The following ITSN2 variants were observed in gnomAD, a reference collection of about 807,000 sequenced individuals.
The protein encoded by ITSN2 is intersectin 2, also known as intersectin-2.
ITSN2 carries 156 observed loss-of-function variants against 243.7 expected under a neutral mutation model. The ratio of observed to expected loss-of-function variants is 0.64; its 90% CI spans 0.56 to 0.73. The LOEUF is 0.73. Among genes scored for constraint, ITSN2 ranks in the 30% least tolerant of loss-of-function variants. The probability of loss-of-function intolerance (pLI) is 0.00; values close to 1 mark genes in which losing one functional copy is unlikely to be tolerated. For synonymous variants in ITSN2, 703 were observed against 699.9 expected, an observed-to-expected ratio of 1.00 and a Z score of -0.07; for missense variants, 1,801 against 1,996.1, an observed-to-expected ratio of 0.90 and a Z score of 1.86.
chr2:24,308,252 G>A (rs1174647535), intron 8 of ITSN2, among the ~76,000 whole-genome samples: 1 of 152,192 alleles, frequency 6.6e-6, no homozygotes, highest in Admixed American at 6.5e-5. Context: ...ATGCAGAGGA[G>A]GATTCTCAGG....
intron 2 of ITSN2, among the ~76,000 whole-genome samples, chr2:24,326,323 T>C (rs1002565549): frequency 1.3e-5 from 2 of 152,200 alleles, no homozygotes; most frequent in African/African-American, 4.8e-5. Flanking sequence ...ATTTTATATA[T>C]AATGCAATGA....
At chr2:24,351,243 A>T (rs1371791095) in intron 1 of ITSN2, among the ~76,000 whole-genome samples, 1 of 152,164 alleles carries the variant, frequency 6.6e-6, no homozygotes, top group Non-Finnish European at 1.5e-5. Context: ...TCATTAAACT[A>T]CATACCAGCT....
chr2:24,282,396 C>T (rs1211581283), intron 17 of ITSN2, among the ~76,000 whole-genome samples: 1 of 152,226 alleles, frequency 6.6e-6, no homozygotes, highest in South Asian at 2.1e-4. Flanking sequence ...GCTCCCCCAT[C>T]TGCTGAGAGC....
At chr2:24,227,219 T>C (rs1671119664) in intron 29 of ITSN2, among the ~76,000 whole-genome samples, 1 of 148,766 alleles carries the variant, frequency 6.7e-6, no homozygotes, top group Non-Finnish European at 1.5e-5. Flanking sequence ...GCCTGGAGGG[T>C]CACACTCACA....
intron 27 of ITSN2, among the ~76,000 whole-genome samples, chr2:24,247,533 G>A (rs1463245201): frequency 6.6e-6 from 1 of 152,068 alleles, no homozygotes; most frequent in Non-Finnish European, 1.5e-5. Flanking sequence ...ATTTGGAATT[G>A]GTTTCAAATA....
intron 3 of ITSN2, among the ~76,000 whole-genome samples, chr2:24,314,619 G>A (rs1301466314): frequency 6.6e-6 from 1 of 152,072 alleles, no homozygotes; most frequent in African/African-American, 2.4e-5. Context: ...TGTATGTAAA[G>A]CACTAAGCTA....
At chr2:24,329,944 T>G (rs1685587322) in intron 1 of ITSN2, among the ~76,000 whole-genome samples, 1 of 152,216 alleles carries the variant, frequency 6.6e-6, no homozygotes, top group Admixed American at 6.5e-5. Flanking sequence ...ACTTCTTCAA[T>G]TTTAAATCAT....
intron 2 of ITSN2, among the ~76,000 whole-genome samples, chr2:24,316,661 C>T (rs1005620215): frequency 6.6e-6 from 1 of 152,166 alleles, no homozygotes; most frequent in Non-Finnish European, 1.5e-5. Context: ...TCCTATATAC[C>T]TTTCACCCAA....
chr2:24,340,396 G>T (rs542402929), intron 1 of ITSN2, among the ~76,000 whole-genome samples: 1 of 151,570 alleles, frequency 6.6e-6, no homozygotes, highest in Non-Finnish European at 1.5e-5. Flanking sequence ...CAGGAGAATC[G>T]CTTGAACCCG....
chr2:24,286,713 G>A (rs1430245882), intron 15 of ITSN2, among the ~76,000 whole-genome samples: 1 of 152,114 alleles, frequency 6.6e-6, no homozygotes, highest in East Asian at 1.9e-4. Flanking sequence ...GTACACTCTG[G>A]TCCACAGTTA....
chr2:24,361,268 G>A (rs78979473), upstream of ITSN2, among the ~76,000 whole-genome samples: 1 of 152,128 alleles, frequency 6.6e-6, no homozygotes, highest in South Asian at 2.1e-4. Flanking sequence ...CTCCTACTCA[G>A]AATTTGTCTC....
intron 2 of ITSN2, among the ~76,000 whole-genome samples, chr2:24,327,446 C>A (rs1351837390): frequency 1.3e-5 from 2 of 151,812 alleles, no homozygotes; most frequent in East Asian, 3.9e-4. Flanking sequence ...TTACAGGTGC[C>A]CATGACCACA....
At chr2:24,351,132 A>G in intron 1 of ITSN2, among the ~76,000 whole-genome samples, 1 of 152,062 alleles carries the variant, frequency 6.6e-6, no homozygotes, top group South Asian at 2.1e-4. Context: ...TCTTATTCCC[A>G]TGCCTCCTCT....
chr2:24,252,995 T>C (rs1217800655), intron 24 of ITSN2, among the ~76,000 whole-genome samples: 1 of 152,234 alleles, frequency 6.6e-6, no homozygotes, highest in Non-Finnish European at 1.5e-5. Flanking sequence ...ACAGCAGCAC[T>C]AGAAGCCAAG....
At chr2:24,310,404 G>A (rs1239565880) in intron 6 of ITSN2, 24 bp from the exon 7 acceptor site, 1 of 1,608,652 alleles carries the variant, frequency 6.2e-7, no homozygotes, top group Admixed American at 1.7e-5. Context: ...AGAAGGAAAA[G>A]TATGAAAGAA....
In ITSN2 at chr2:24,308,647, G is replaced by T; in HGVS notation, c.763C>A (p.Leu255Ile). ...AGATATCCACTCATACTTTTGTCAA[G>T]AGTATTAAATTTTTGCCGATATTTT... The part of the protein sequence containing the change: ...RLKYRQKFNT[L>I]DKSMSGYLSG... Residue 255 changes from leucine to isoleucine, a missense_variant, in exon 8 of 40, where the codon CTT becomes ATT. Leu to Ile is a conservative substitution (Grantham distance 5). Coordinates refer to ENST00000355123, the MANE Select transcript of ITSN2 (RefSeq NM_006277.3). 1 of 1,526,630 alleles carries T rather than the reference G, an allele frequency of 6.6e-7. No homozygotes were observed. Among genetic ancestry groups the T allele is most frequent in the South Asian group, 1.4e-5 (1 of 73,728 alleles). The allele number at this position is 1,526,630 out of a possible 1,614,324, so 94.6% of individuals were successfully genotyped here. A position where few individuals can be genotyped will look rare whatever the true frequency, so the allele number is the denominator to read the frequency against.
chr2:24,236,672 TC>T (rs1269191003), intron 29 of ITSN2, among the ~76,000 whole-genome samples: 4 of 14,268 alleles, frequency 2.8e-4, no homozygotes, highest in Non-Finnish European at 6.0e-4. Flanking sequence ...TGTTTTTTTT[TC>T]TTTTTTTTTT....
In ITSN2 at chr2:24,254,384, G is replaced by A; in HGVS notation, c.2936C>T (p.Ala979Val). The A allele has an allele frequency of 1.9e-6, 3 of 1,612,220 alleles. No homozygotes were observed. In the African/African-American group the frequency reaches 4.0e-5, roughly 22 times the overall value. The change falls in exon 24 of 40, where the codon GCC becomes GTC. Residue 979 changes from alanine (A) to valine (V), a missense_variant. Coordinates refer to ENST00000355123, the MANE Select transcript of ITSN2 (RefSeq NM_006277.3). ...AAGCTTACCTTCTCCAACTGAATAGGCTGCCGAGGTAGGTTTCTTATTTAC... is the reference window on the plus strand; with the variant it reads ...AAGCTTACCTTCTCCAACTGAATAGACTGCCGAGGTAGGTTTCTTATTTAC... ...AAVNKKPTSA[A>V]YSVGEEYIAL...
intron 37 of ITSN2, chr2:24,206,248 T>G: frequency 2.3e-6 from 1 of 429,926 alleles, no homozygotes. Context: ...ACATACCTTT[T>G]AGGAGTATAT....
Sources: allele counts gnomAD v4.1 joint callset (sites outside exome capture counted in the v4.1 genomes callset), GRCh38; gene constraint gnomAD v4.1.1; transcripts MANE v1.5; gene names NCBI Gene and HGNC (gene_info 2026-07-23, HGNC 2026-07-21).